The following EFHC1 variants were observed in gnomAD, a reference collection of about 807,000 sequenced individuals.
The protein encoded by EFHC1 is EF-hand domain-containing protein 1.
EFHC1 carries 53 observed loss-of-function variants against 69.9 expected under a neutral mutation model. That is an observed-to-expected ratio of 0.76 (90% CI 0.61 to 0.95). The LOEUF (loss-of-function observed/expected upper bound fraction) is 0.95. Among genes scored for constraint, EFHC1 ranks in the 40% least tolerant of loss-of-function variants. The pLI is 0.00. For missense variants in EFHC1, 739 were observed against 798.7 expected (o/e 0.93, Z 0.90); for synonymous variants, 256 against 278.4 (o/e 0.92, Z 0.80).
intron 1 of EFHC1, chr6:52,421,111 T>A: frequency 1.1e-6 from 1 of 904,580 alleles, no homozygotes; most frequent in Non-Finnish European, 1.3e-6. Context: ...AACCCCATTC[T>A]TTTTTCTCCA....
intron 9 of EFHC1, chr6:52,484,524 T>C (rs1765747617): frequency 6.6e-6 from 1 of 152,220 alleles, no homozygotes. Context: ...GACTGGATTT[T>C]CATGTGCTTT....
rs772096798 is a variant in EFHC1 at position 52,452,795 on chromosome 6, A to G, written c.681A>G (p.Ser227=). 8.7e-6 allele frequency: 14 copies of G among 1,613,936 alleles called. No homozygotes were observed. The Admixed American group carries it at 2.3e-4, about 27-fold the overall frequency. The part of the protein sequence containing the change: ...KQPLRKYVTP[S]DFDQLKQFLT... ...CTCTTCGTAAGTATGTCACCCCATC[A>G]GACTTTGATCAACTCAAGCAATTTC... Residue 227 remains serine (S), a synonymous_variant, in exon 4 of 11, where the codon TCA becomes TCG. Transcript: ENST00000371068.
chr6:52,465,213 G>A, intron 6 of EFHC1, 98 bp downstream of exon 6: 2 of 1,074,450 alleles, frequency 1.9e-6, no homozygotes, highest in South Asian at 1.4e-5. Flanking sequence ...GATAAATAAT[G>A]GACAAAGTAT....
rs187151151 is a variant in EFHC1, at chr6:52,455,515, G to T, written c.916+1228G>T. On this transcript the variant is annotated intron_variant, in intron 5 of 10. Transcript: ENST00000371068. ...TAAAAATACAAAAAATTAGCTGGGC[G>T]TGGTGGCGTGCACCTGTAGTCCCAG... 7.2e-5 allele frequency among the ~76,000 whole-genome samples: 11 copies of T among 151,994 alleles called. No individual in the cohort carries two copies. In the East Asian group the frequency reaches 1.9e-3, roughly 27 times the overall value.
chr6:52,448,088 C>G (rs1013020115), intron 3 of EFHC1, among the ~76,000 whole-genome samples: 4 of 152,242 alleles, frequency 2.6e-5, no homozygotes, highest in African/African-American at 9.6e-5. Flanking sequence ...AACCACTACT[C>G]TCTTCAAAGC....
Position 52,494,314 on chromosome 6 carries a change from C to T in EFHC1, c.*1973C>T, listed in dbSNP as rs1765990622. The T allele has an allele frequency of 2.2e-6, 1 of 454,092 alleles. No homozygotes were observed. The highest frequency in any genetic ancestry group is 4.4e-6 in the Non-Finnish European group (1 of 226,794). The allele number at this position is 454,092 out of a possible 1,614,324, so 28.1% of individuals were successfully genotyped here. ...CTACTTGGCCCAGCTCAGTCCTTCC[C>T]CCAGGCTTAGAAGCCTGTGGTAAAG... On this transcript the variant is annotated 3_prime_UTR_variant, in exon 11 of 11. Transcript: ENST00000371068.
rs1388494237 is a variant in EFHC1, at chr6:52,494,558, GCTGA to G, written c.*2220_*2223del. The G allele has an allele frequency of 2.2e-6, 1 of 454,078 alleles. No homozygotes were observed. The highest frequency in any genetic ancestry group is 4.4e-6 in the Non-Finnish European group (1 of 226,788). 28.1% of individuals were successfully genotyped at this position (454,078 alleles called of 1,614,324 possible). A position where few individuals can be genotyped will look rare whatever the true frequency, so the allele number is the denominator to read the frequency against. ...AGGTCTGAGTGACATGTGCCGAAAG[GCTGA>G]CTCTTTCTCCCAGAGCACCTTTTCT... is the stretch of plus-strand genomic sequence containing the variant. On this transcript the variant is annotated 3_prime_UTR_variant, in exon 11 of 11. Coordinates refer to ENST00000371068, the MANE Select transcript of EFHC1 (RefSeq NM_018100.4).
intron 7 of EFHC1, among the ~76,000 whole-genome samples, chr6:52,474,444 A>G (rs1036292540): frequency 5.3e-5 from 8 of 152,222 alleles, no homozygotes; most frequent in Admixed American, 1.3e-4. Context: ...TAACCATAGG[A>G]ACTCTCATAC....
At chr6:52,445,301 A>AT (rs199821876) in intron 3 of EFHC1, among the ~76,000 whole-genome samples, 1 of 148,170 alleles carries the variant, frequency 6.7e-6, no homozygotes, top group Non-Finnish European at 1.5e-5. Context: ...TAATTTATTT[A>AT]TTTTTTTATT....
intron 3 of EFHC1, among the ~76,000 whole-genome samples, chr6:52,442,026 T>C (rs568396709): frequency 6.6e-5 from 10 of 152,304 alleles, no homozygotes; most frequent in South Asian, 4.1e-4. Flanking sequence ...TTTCTAGATA[T>C]AGAATCATGT....
chr6:52,453,661 A>G (rs946465317), intron 4 of EFHC1: 4 of 1,256,032 alleles, frequency 3.2e-6, no homozygotes, highest in Non-Finnish European at 4.1e-6. Flanking sequence ...TATTATTGCT[A>G]GAAGATATGT....
At chr6:52,454,027 T>G (rs552582238) in intron 4 of EFHC1, 68 bp from the exon 5 acceptor site, 55 of 1,609,896 alleles carry the variant, frequency 3.4e-5, no homozygotes, top group Admixed American at 1.7e-4. Context: ...GATACATAAT[T>G]GCCAAAGTAG....
In EFHC1 at chr6:52,452,700, A is replaced by G; in HGVS notation, c.586A>G (p.Ser196Gly). Reference protein sequence around the residue: ...CDQFTQVFLESQGIELNPPEK... With the variant: ...CDQFTQVFLEGQGIELNPPEK... ...TTCAATTATTTAGGTATTTTTAGAA[A>G]GCCAAGGAATTGAGTTAAATCCACC... Residue 196 changes from serine (S) to glycine (G), a missense_variant, in exon 4 of 11, where the codon AGC becomes GGC. By Grantham distance (56) the Ser-to-Gly change is moderately conservative. Coordinates refer to ENST00000371068, the MANE Select transcript of EFHC1 (RefSeq NM_018100.4). The G allele has an allele frequency of 5.6e-6, 9 of 1,614,202 alleles. No homozygotes were observed. The highest frequency in any genetic ancestry group is 7.6e-6 in the Non-Finnish European group (9 of 1,180,032).
chr6:52,435,756 G>A (rs1228190229), intron 2 of EFHC1, among the ~76,000 whole-genome samples: 5 of 152,264 alleles, frequency 3.3e-5, no homozygotes, highest in Middle Eastern at 3.4e-3. Flanking sequence ...CCACTGCTTA[G>A]AAGCCCCCCT....
In EFHC1 at chr6:52,444,713, G is replaced by T. The variant is rs184263354; in HGVS notation, c.573+6122G>T. Among the ~76,000 whole-genome samples the T allele has an allele frequency of 3.0e-4, 45 of 152,196 alleles. 1 individual carries two copies. The East Asian group carries it at 7.7e-3, about 26-fold the overall frequency. ...TGCCAGTATTTTATGGAGGATTTTT[G>T]CATCGATGTTTATCAGGGATATTGG... On this transcript the variant is annotated intron_variant, in intron 3 of 10. Transcript: ENST00000371068.
At chr6:52,472,520 TACC>T (rs1209204530) in intron 7 of EFHC1, among the ~76,000 whole-genome samples, 1 of 152,108 alleles carries the variant, frequency 6.6e-6, no homozygotes, top group Non-Finnish European at 1.5e-5. Flanking sequence ...AGTTAAAAAA[TACC>T]ATTTACTATA....
intron 7 of EFHC1, among the ~76,000 whole-genome samples, chr6:52,474,274 C>A (rs1765499534): frequency 6.6e-6 from 1 of 152,168 alleles, no homozygotes; most frequent in African/African-American, 2.4e-5. Flanking sequence ...TATGATCCTG[C>A]CACTGCACTC....
At chr6:52,421,879 T>TA (rs944686352) in intron 1 of EFHC1, among the ~76,000 whole-genome samples, 3 of 152,206 alleles carry the variant, frequency 2.0e-5, no homozygotes, top group Admixed American at 6.5e-5. Context: ...GCTGAGTTGA[T>TA]ACAGGGAATT....
At chr6:52,458,571 C>T (rs898864063) in intron 5 of EFHC1, among the ~76,000 whole-genome samples, 7 of 152,128 alleles carry the variant, frequency 4.6e-5, no homozygotes, top group Non-Finnish European at 1.0e-4. Flanking sequence ...CACTAATCAT[C>T]AGAGGGATGC....
Sources: gnomAD v4.1 joint callset for allele counts (sites outside exome capture counted in the v4.1 genomes callset) on GRCh38, gnomAD v4.1.1 for gene constraint, MANE v1.5 for transcripts, NCBI Gene and HGNC (gene_info 2026-07-23, HGNC 2026-07-21) for gene names.